Variants in EPHB4 observed in about 807,000 individuals in gnomAD.
EPHB4 encodes EPH receptor B4, also known as ephrin type-B receptor 4.
A neutral mutation model predicts 110.6 loss-of-function variants in EPHB4; 50 were observed. The observed-to-expected ratio is 0.45, with a 90% CI of 0.36 to 0.57. The LOEUF (loss-of-function observed/expected upper bound fraction) is 0.57, where lower values mean the gene tolerates loss of function less well. EPHB4 is among the 20% of genes least tolerant of loss of function. EPHB4 has a pLI of 0.00. For synonymous variants in EPHB4, 592 were observed against 578.4 expected, an observed-to-expected ratio of 1.02 and a Z score of -0.34; for missense variants, 1,128 against 1,382.1, an observed-to-expected ratio of 0.82 and a Z score of 2.91.
In EPHB4 at chr7:100,827,519, G is replaced by T; in HGVS notation, c.-489C>A. 1 of 151,746 alleles carries T rather than the reference G, an allele frequency of 6.6e-6. No individual in the cohort carries two copies. The highest frequency in any genetic ancestry group is 1.9e-4 in the South Asian group (1 of 5,262). 9.4% of individuals were successfully genotyped at this position (151,746 alleles called of 1,614,324 possible). On this transcript the variant is annotated 5_prime_UTR_variant, in exon 1 of 17. Transcript: ENST00000358173. ...GCCGGGCAGGGGCTGAGCTGCGCTG[G>T]AACTGGGCCGGGCGGCGCCGGGCCC...
intron 1 of EPHB4, chr7:100,825,641 C>A (rs1002122195): frequency 2.0e-5 from 3 of 152,302 alleles, no homozygotes; most frequent in Admixed American, 1.3e-4. Flanking sequence ...GGCACAGGGC[C>A]TTGGATAAAC....
Position 100,823,735 on chromosome 7 carries a change from C to T in EPHB4, c.320G>A (p.Cys107Tyr). ...CLSLPRAGRS[C>Y]KETFTVFYYE... The stretch of plus-strand genomic sequence containing the variant: ...GTAGAAGACGGTGAAGGTCTCCTTG[C>T]AGGAGCGCCCAGCCCGAGGCAGGGA... The change falls in exon 3 of 17, where the codon TGC becomes TAC. Residue 107 changes from cysteine (C) to tyrosine (Y), a missense_variant. By Grantham distance (194) the Cys-to-Tyr change is radical. Coordinates refer to ENST00000358173, the MANE Select transcript of EPHB4 (RefSeq NM_004444.5). 6.2e-7 allele frequency: 1 copy of T among 1,613,640 alleles called. No homozygotes were observed. Among genetic ancestry groups the T allele is most frequent in the Non-Finnish European group, 8.5e-7 (1 of 1,179,968 alleles).
In EPHB4 at chr7:100,807,389, G is replaced by A. The variant is rs147302485; in HGVS notation, c.2310C>T (p.Ser770=). 20 of 1,613,654 alleles carry A rather than the reference G, an allele frequency of 1.2e-5. No homozygotes were observed. Among genetic ancestry groups the A allele is most frequent in the African/African-American group, 5.3e-5 (4 of 74,822 alleles). Residue 770 remains serine (S), a synonymous_variant, in exon 13 of 17, where the codon TCC becomes TCT. Coordinates refer to ENST00000358173, the MANE Select transcript of EPHB4 (RefSeq NM_004444.5). ...CCAGGGAGCTCGTGTAGGTGGGATC[G>A]GAAGAGTTCTCCTCCAGGAATCGGG... ...GLSRFLEENS[S]DPTYTSSLGG... is the part of the protein sequence containing the mutation.
At chr7:100,814,100 T>G in intron 8 of EPHB4, 79 bp from the exon 9 acceptor site, 3 of 1,496,102 alleles carry the variant, frequency 2.0e-6, no homozygotes, top group Non-Finnish European at 2.7e-6. Flanking sequence ...AGCAATGAAC[T>G]GTGATCTCCT....
At chr7:100,817,732 G>A (rs989446448) in intron 7 of EPHB4, among the ~76,000 whole-genome samples, 1 of 151,874 alleles carries the variant, frequency 6.6e-6, no homozygotes, top group Non-Finnish European at 1.5e-5. Flanking sequence ...ATTTCACCTT[G>A]TTGGCCAGGC....
chr7:100,806,387 G>C (rs200890953), intron 14 of EPHB4, 33 bp downstream of exon 14: 1 of 1,594,226 alleles, frequency 6.3e-7, no homozygotes, highest in Non-Finnish European at 8.6e-7. Context: ...GAGAACACTC[G>C]AGGAAAGCTT....
At chr7:100,821,718 C>A (rs1387693732) in intron 4 of EPHB4, among the ~76,000 whole-genome samples, 1 of 151,798 alleles carries the variant, frequency 6.6e-6, no homozygotes, top group Admixed American at 6.6e-5. Context: ...ATCCTCCCAC[C>A]TTGGCATCTC....
At chr7:100,810,182 G>A (rs911884015) in intron 12 of EPHB4, among the ~76,000 whole-genome samples, 11 of 152,034 alleles carry the variant, frequency 7.2e-5, no homozygotes, top group East Asian at 1.9e-4. Flanking sequence ...CCCAGGAGGC[G>A]GAGGTTGCAG....
intron 8 of EPHB4, among the ~76,000 whole-genome samples, chr7:100,816,123 G>A (rs891017853): frequency 2.6e-5 from 4 of 151,352 alleles, no homozygotes; most frequent in East Asian, 2.0e-4. Context: ...CTGAGATCGC[G>A]CCACCGCACT....
chr7:100,813,987 A>C lies in EPHB4; in HGVS notation c.1623T>G (p.Ile541Met). 1.2e-6 allele frequency: 2 copies of C among 1,614,114 alleles called. No homozygotes were observed. Among genetic ancestry groups the C allele is most frequent in the South Asian group, 1.1e-5 (1 of 91,068 alleles). ...SEGWREQLAL[I>M]AGTAVVGVVL... is the part of the protein sequence containing the mutation. Reference sequence around the variant, plus strand: ...CCACACCCACGACTGCCGTGCCCGCAATCAGGGCCAGCTGCTCCCGCCAGC... The same window carrying C: ...CCACACCCACGACTGCCGTGCCCGCCATCAGGGCCAGCTGCTCCCGCCAGC... The change falls in exon 9 of 17, where the codon ATT (isoleucine) becomes ATG (methionine). Residue 541 changes from isoleucine (I) to methionine (M), a missense_variant. Ile to Met is a conservative substitution (Grantham distance 10). Around this residue, in one of 3 missense-constraint regions of EPHB4, gnomAD observed 728 missense variants for 828.6 expected, o/e 0.88. Transcript: ENST00000358173.
At chr7:100,813,035 A>T (rs314358) in intron 11 of EPHB4, 41 bp from the exon 12 acceptor site, 2 of 1,611,924 alleles carry the variant, frequency 1.2e-6, no homozygotes, top group Non-Finnish European at 1.7e-6. Flanking sequence ...CTCCCGCTCC[A>T]GTGTGGCCCT....
chr7:100,820,307 GAA>G lies in EPHB4; in HGVS notation c.809-13_809-12del. The G allele has an allele frequency of 6.2e-7, 1 of 1,612,702 alleles. No homozygotes were observed. Among genetic ancestry groups the G allele is most frequent in the Non-Finnish European group, 8.5e-7 (1 of 1,179,642 alleles). On this transcript the variant is annotated splice_polypyrimidine_tract_variant and intron_variant, in intron 4 of 16. Coordinates refer to ENST00000358173, the MANE Select transcript of EPHB4 (RefSeq NM_004444.5). Reference sequence around the variant, plus strand: ...TGCCCTGGGCACAGGCTGAGAGAGAGAAAGCATTCATCAAAAGCATGCACAAA... The same window carrying G: ...TGCCCTGGGCACAGGCTGAGAGAGAGAGCATTCATCAAAAGCATGCACAAA...
chr7:100,822,154 A>C lies in EPHB4; in HGVS notation c.808+117T>G, dbSNP rs1289316735. ...TGCACTCCAGCCTGGGTGACAGAGC[A>C]AGCCTCCATTTCAACATCTAACTAT... On this transcript the variant is annotated intron_variant, in intron 4 of 16. Transcript: ENST00000358173. The surrounding 1 kb of genome is among the most constrained non-coding windows in gnomAD (Gnocchi z 4.7). The C allele has an allele frequency of 7.3e-7, 1 of 1,375,522 alleles. No homozygotes were observed. Among genetic ancestry groups the C allele is most frequent in the Non-Finnish European group, 9.6e-7 (1 of 1,039,912 alleles). The allele number at this position is 1,375,522 out of a possible 1,614,324, so 85.2% of individuals were successfully genotyped here.
Position 100,822,633 on chromosome 7 carries a change from T to C in EPHB4, c.446A>G (p.Lys149Arg). Reference protein sequence around the residue: ...DTVAAEHLTRKRPGAEATGKV... With the variant: ...DTVAAEHLTRRRPGAEATGKV... ...CCCGGTGGCCTCGGCCCCAGGGCGC[T>C]TCCGGGTGAGATGCTCCGCGGCCAC... is the stretch of plus-strand genomic sequence containing the variant. Residue 149 changes from lysine (K) to arginine (R), a missense_variant, in exon 4 of 17, where the codon AAG (lysine) becomes AGG (arginine). Physicochemically the swap from Lys to Arg is conservative, Grantham distance 26. Coordinates refer to ENST00000358173, the MANE Select transcript of EPHB4 (RefSeq NM_004444.5). The surrounding 1 kb of genome is among the most constrained non-coding windows in gnomAD (Gnocchi z 4.7). 6.3e-7 allele frequency: 1 copy of C among 1,593,810 alleles called. No homozygotes were observed. Among genetic ancestry groups the C allele is most frequent in the Non-Finnish European group, 8.6e-7 (1 of 1,167,272 alleles).
At position 100,822,600 on chromosome 7, in the gene EPHB4, T is replaced by A; in HGVS notation, c.479A>T (p.Asn160Ile). The A allele has an allele frequency of 6.2e-7, 1 of 1,608,384 alleles. No individual in the cohort carries two copies. The highest frequency in any genetic ancestry group is 8.5e-7 in the Non-Finnish European group (1 of 1,176,516). ...RPGAEATGKVNVKTLRLGPLS... is the reference protein window; with the variant it reads ...RPGAEATGKVIVKTLRLGPLS... ...CGGTCCCAGACGCAGCGTCTTGACATTCACCTTCCCGGTGGCCTCGGCCCC... is the reference window on the plus strand; with the variant it reads ...CGGTCCCAGACGCAGCGTCTTGACAATCACCTTCCCGGTGGCCTCGGCCCC... The change falls in exon 4 of 17, where the codon AAT becomes ATT. Residue 160 changes from asparagine (N) to isoleucine (I), a missense_variant. This residue lies in a region of EPHB4 where 728 missense variants were observed against 828.6 expected (regional missense o/e 0.88). Transcript: ENST00000358173. The surrounding 1 kb of genome is among the most constrained non-coding windows in gnomAD (Gnocchi z 4.7).
chr7:100,812,995 C>T lies in EPHB4; in HGVS notation c.1871-1G>A. 1 of 1,613,462 alleles carries T rather than the reference C, an allele frequency of 6.2e-7. No individual in the cohort carries two copies. Among genetic ancestry groups the T allele is most frequent in the Non-Finnish European group, 8.5e-7 (1 of 1,179,598 alleles). Reference sequence around the variant, plus strand: ...CCCCGGCACACCTCGCCAAACTCACCTTCAAACAAGGACGCAGAGGTCATC... The same window carrying T: ...CCCCGGCACACCTCGCCAAACTCACTTTCAAACAAGGACGCAGAGGTCATC... On this transcript the variant is annotated splice_acceptor_variant, in intron 11 of 16. Coordinates refer to ENST00000358173, the MANE Select transcript of EPHB4 (RefSeq NM_004444.5). LOFTEE classifies it high-confidence loss of function.
intron 10 of EPHB4, 67 bp from the exon 11 acceptor site, chr7:100,813,275 T>C: frequency 2.4e-6 from 3 of 1,267,342 alleles, no homozygotes; most frequent in African/African-American, 1.5e-5. Context: ...GCTCGGCTCA[T>C]AGCTTTTAGC....
In EPHB4 at chr7:100,822,521, G is replaced by A. The variant is rs765348975; in HGVS notation, c.558C>T (p.Ala186=). The part of the protein sequence containing the change: ...LAFQDQGACM[A]LLSLHLFYKK... ...TGTAGAAGAGGTGCAGGGATAGCAG[G>A]GCCATGCAGGCACCCTGGTCCTGGA... The change falls in exon 4 of 17, where the codon GCC becomes GCT. Residue 186 remains alanine, a synonymous_variant. Coordinates refer to ENST00000358173, the MANE Select transcript of EPHB4 (RefSeq NM_004444.5). The surrounding 1 kb of genome is among the most constrained non-coding windows in gnomAD (Gnocchi z 4.7). 16 of 1,613,360 alleles carry A rather than the reference G, an allele frequency of 9.9e-6. No homozygotes were observed. The highest frequency in any genetic ancestry group is 1.3e-5 in the Non-Finnish European group (15 of 1,179,956).
chr7:100,823,007 C>T (rs934099629), intron 3 of EPHB4, among the ~76,000 whole-genome samples: 7 of 152,080 alleles, frequency 4.6e-5, no homozygotes, highest in African/African-American at 1.2e-4. Flanking sequence ...ACCATGAGGC[C>T]GGGCGTAGTG....
Sources: allele counts gnomAD v4.1 joint callset (sites outside exome capture counted in the v4.1 genomes callset), GRCh38; gene constraint gnomAD v4.1.1; regional missense constraint gnomAD v4.1.1; non-coding constraint Gnocchi (gnomAD v3.1); transcripts MANE v1.5; gene names NCBI Gene and HGNC (gene_info 2026-07-23, HGNC 2026-07-21).